The following ARHGEF7 variants were observed in gnomAD, a reference collection of about 807,000 sequenced individuals.
ARHGEF7 encodes the protein PAK-interacting exchange factor beta.
Under a neutral mutation model 109.8 loss-of-function variants are expected in ARHGEF7, and 33 were observed. The ratio of observed to expected loss-of-function variants is 0.30; its 90% CI spans 0.23 to 0.40. The LOEUF (loss-of-function observed/expected upper bound fraction) is 0.40. Ranked by LOEUF, ARHGEF7 falls within the 10% of genes least tolerant of loss-of-function variation. The probability of loss-of-function intolerance (pLI) is 1.00; values close to 1 mark genes in which losing one functional copy is unlikely to be tolerated. For synonymous variants in ARHGEF7, 458 were observed against 424.6 expected (o/e 1.08, Z -0.97); for missense variants, 938 against 1,098.5 (o/e 0.85, Z 2.07).
chr13:111,218,020 G>A, intron 5 of ARHGEF7, 140 bp downstream of exon 5: 1 of 850,622 alleles, frequency 1.2e-6, no homozygotes, highest in Non-Finnish European at 1.7e-6. Context: ...TAGATGTAAT[G>A]GATTTTCACC....
chr13:111,274,422 C>T (rs1214985192), intron 10 of ARHGEF7, among the ~76,000 whole-genome samples: 2 of 152,210 alleles, frequency 1.3e-5, no homozygotes, highest in African/African-American at 2.4e-5. Context: ...GTCTTCTTCA[C>T]GGCTACACAG....
chr13:111,212,769 AT>A (rs2082653839), intron 4 of ARHGEF7, among the ~76,000 whole-genome samples: 1 of 152,218 alleles, frequency 6.6e-6, no homozygotes, highest in African/African-American at 2.4e-5. Context: ...TTCATATACC[AT>A]ATTTTGTCAA....
Position 111,179,465 on chromosome 13 carries a change from G to T in ARHGEF7, c.252+25474G>T, listed in dbSNP as rs186072537. ...ATGATCCTTACCTCTGAATACTTCAGCATGTGTATCTTAAAAATAAGAACA... is the reference window on the plus strand; with the variant it reads ...ATGATCCTTACCTCTGAATACTTCATCATGTGTATCTTAAAAATAAGAACA... On this transcript the variant is annotated intron_variant, in intron 2 of 21. Coordinates refer to ENST00000646102, the MANE Select transcript of ARHGEF7 (RefSeq NM_001354046.2). 1.4e-4 allele frequency among the ~76,000 whole-genome samples: 22 copies of T among 152,290 alleles called. No homozygotes were observed. The East Asian group carries it at 4.2e-3, about 29-fold the overall frequency.
intron 1 of ARHGEF7, among the ~76,000 whole-genome samples, chr13:111,153,353 C>CT (rs1227837199): frequency 6.6e-6 from 1 of 152,022 alleles, no homozygotes; most frequent in African/African-American, 2.4e-5. Flanking sequence ...TGCGCTGTGT[C>CT]TGCGGGGCCA....
chr13:111,181,079 G>A, intron 2 of ARHGEF7, among the ~76,000 whole-genome samples: 1 of 152,180 alleles, frequency 6.6e-6, no homozygotes, highest in Non-Finnish European at 1.5e-5. Context: ...TGTCCCTGTT[G>A]TATTTGCTAA....
chr13:111,290,538 G>A (rs1456237158), intron 18 of ARHGEF7, among the ~76,000 whole-genome samples: 2 of 152,098 alleles, frequency 1.3e-5, no homozygotes, highest in South Asian at 2.1e-4. Flanking sequence ...GGTGAGGGCC[G>A]ACTGAGGGCT....
intron 1 of ARHGEF7, among the ~76,000 whole-genome samples, chr13:111,133,795 A>G (rs1566606842): frequency 2.3e-4 from 11 of 48,116 alleles, no homozygotes; most frequent in African/African-American, 6.1e-4. Flanking sequence ...ATATATATAT[A>G]TATATATATA....
chr13:111,266,219 G>A lies in ARHGEF7; in HGVS notation c.951-1329G>A, dbSNP rs1303712503. Among the ~76,000 whole-genome samples the A allele has an allele frequency of 6.6e-6, 1 of 151,972 alleles. No individual in the cohort carries two copies. The highest frequency in any genetic ancestry group is 1.5e-5 in the Non-Finnish European group (1 of 68,014). Reference sequence around the variant, plus strand: ...GATTTCCACCCCCGTTTCAAGGGGTGCTTCAGTGTTTCTGGGCTCTGGTGC... The same window carrying A: ...GATTTCCACCCCCGTTTCAAGGGGTACTTCAGTGTTTCTGGGCTCTGGTGC... On this transcript the variant is annotated intron_variant, in intron 8 of 21. Coordinates refer to ENST00000646102, the MANE Select transcript of ARHGEF7 (RefSeq NM_001354046.2). The surrounding 1 kb of genome is among the most constrained non-coding windows in gnomAD (Gnocchi z 4.8).
intron 2 of ARHGEF7, among the ~76,000 whole-genome samples, chr13:111,204,441 C>T (rs2081539738): frequency 6.6e-6 from 1 of 152,114 alleles, no homozygotes; most frequent in Non-Finnish European, 1.5e-5. Context: ...TTTATCTTTG[C>T]TTGAGGTTAT....
intron 2 of ARHGEF7, among the ~76,000 whole-genome samples, chr13:111,155,394 G>A (rs1449849527): frequency 6.6e-6 from 1 of 152,212 alleles, no homozygotes; most frequent in Admixed American, 6.5e-5. Flanking sequence ...TATTACTGGC[G>A]TTGTTTATGA....
At chr13:111,229,856 C>T (rs61967972) in intron 5 of ARHGEF7, among the ~76,000 whole-genome samples, 9,619 of 152,192 alleles carry the variant, frequency 0.063, 393 homozygotes, top group Middle Eastern at 0.095. Context: ...GTTTTGGTTT[C>T]TTCTAGGCTG....
rs2093320601 is a variant in ARHGEF7, at chr13:111,292,497, G to T, written c.2311+203G>T. 5.6e-6 allele frequency: 8 copies of T among 1,429,234 alleles called. No individual in the cohort carries two copies. In the South Asian group the frequency reaches 1.1e-4, roughly 19 times the overall value. The allele number at this position is 1,429,234 out of a possible 1,614,324, so 88.5% of individuals were successfully genotyped here. On this transcript the variant is annotated intron_variant, in intron 19 of 21. Coordinates refer to ENST00000646102, the MANE Select transcript of ARHGEF7 (RefSeq NM_001354046.2). Reference sequence around the variant, plus strand: ...TGTGGAGGCTTAACTGCCGATGCGAGTATACATTCGAATGACTGACTATTG... The same window carrying T: ...TGTGGAGGCTTAACTGCCGATGCGATTATACATTCGAATGACTGACTATTG...
chr13:111,280,213 T>G, intron 13 of ARHGEF7, 59 bp from the exon 14 acceptor site: 4 of 1,498,556 alleles, frequency 2.7e-6, no homozygotes, highest in Non-Finnish European at 1.8e-6. Context: ...TTAATAATGG[T>G]ACCTTTTTCT....
chr13:111,116,305 A>G (rs2066776104), intron 1 of ARHGEF7: 1 of 152,652 alleles, frequency 6.6e-6, no homozygotes, highest in Non-Finnish European at 1.5e-5. Context: ...GCTTGTTAAA[A>G]TTCTAGATTT....
chr13:111,166,765 T>C (rs1337040998), intron 2 of ARHGEF7, among the ~76,000 whole-genome samples: 6 of 152,354 alleles, frequency 3.9e-5, no homozygotes, highest in Non-Finnish European at 8.8e-5. Flanking sequence ...ATCTGTGAGA[T>C]GCCTCAGTGA....
At chr13:111,214,648 G>A (rs1338554249) in intron 4 of ARHGEF7, among the ~76,000 whole-genome samples, 2 of 152,242 alleles carry the variant, frequency 1.3e-5, no homozygotes, top group African/African-American at 4.8e-5. Context: ...GGGATCTTCA[G>A]TTGCAATGGC....
intron 1 of ARHGEF7, among the ~76,000 whole-genome samples, chr13:111,123,531 C>T (rs1432348667): frequency 6.6e-6 from 1 of 152,068 alleles, no homozygotes. Flanking sequence ...GGGGACATGC[C>T]GATATATGTA....
intron 8 of ARHGEF7, among the ~76,000 whole-genome samples, chr13:111,247,839 T>A (rs2153554144): frequency 6.6e-6 from 1 of 152,256 alleles, no homozygotes; most frequent in South Asian, 2.1e-4. Flanking sequence ...CTCACATACC[T>A]CAAATATTTA....
intron 2 of ARHGEF7, among the ~76,000 whole-genome samples, chr13:111,177,553 G>T (rs2078290335): frequency 6.6e-6 from 1 of 152,188 alleles, no homozygotes; most frequent in South Asian, 2.1e-4. Flanking sequence ...CCTGAGCCGT[G>T]TTGGTGAGTT....
Sources: gnomAD v4.1 joint callset for allele counts (sites outside exome capture counted in the v4.1 genomes callset) on GRCh38, gnomAD v4.1.1 for gene constraint, Gnocchi (gnomAD v3.1) non-coding constraint, MANE v1.5 for transcripts, NCBI Gene and HGNC (gene_info 2026-07-23, HGNC 2026-07-21) for gene names.